ALKAL1: variants seen among roughly 807,000 people sequenced by gnomAD.
The protein encoded by ALKAL1 is AUG-beta.
Under a neutral mutation model 13.5 loss-of-function variants are expected in ALKAL1, and 23 were observed. The observed-to-expected ratio is 1.70, with a 90% CI of 1.23 to 2.41. The LOEUF (loss-of-function observed/expected upper bound fraction) is 2.41, where lower values mean the gene tolerates loss of function less well. ALKAL1 is among the 30% of genes most tolerant of loss of function. The pLI is 0.00. For synonymous variants in ALKAL1, 85 were observed against 77.7 expected, an observed-to-expected ratio of 1.09 and a Z score of -0.49; for missense variants, 181 against 178.4, an observed-to-expected ratio of 1.01 and a Z score of -0.08.
chr8:52,535,325 A>T (rs1250929517), intron 4 of ALKAL1, among the ~76,000 whole-genome samples: 1 of 151,762 alleles, frequency 6.6e-6, no homozygotes, highest in Non-Finnish European at 1.5e-5. Flanking sequence ...AGATGGGAGG[A>T]TCACTTGAGC....
intron 1 of ALKAL1, among the ~76,000 whole-genome samples, chr8:52,544,868 CAATAAA>C (rs1847354356): frequency 6.6e-6 from 1 of 152,082 alleles, no homozygotes; most frequent in African/African-American, 2.4e-5. Context: ...TAAAGACATA[CAATAAA>C]AATAAACAAA....
rs544708483 is a variant in ALKAL1 at position 52,557,013 on chromosome 8, A to G, written c.190+8054T>C. ...TAGAGACATTGTTTTCAAATCTATTAGAAATCACAAAAGATAGTTATAAGA... is the reference window on the plus strand; with the variant it reads ...TAGAGACATTGTTTTCAAATCTATTGGAAATCACAAAAGATAGTTATAAGA... On this transcript the variant is annotated intron_variant, in intron 1 of 4. Coordinates refer to ENST00000358543, the MANE Select transcript of ALKAL1 (RefSeq NM_207413.4). 2.1e-4 allele frequency among the ~76,000 whole-genome samples: 32 copies of G among 152,358 alleles called. No individual in the cohort carries two copies. In the South Asian group the frequency reaches 6.4e-3, roughly 31 times the overall value.
rs11997107 is a variant in ALKAL1 at position 52,556,508 on chromosome 8, G to A, written c.190+8559C>T. Among the ~76,000 whole-genome samples, 860 of 151,806 alleles carry A rather than the reference G, an allele frequency of 5.7e-3. 9 individuals are homozygous for A. The highest frequency in any genetic ancestry group is 0.019 in the African/African-American group (790 of 41,428). On this transcript the variant is annotated intron_variant, in intron 1 of 4. Transcript: ENST00000358543. ...TAAAAATACAAAAAATTAGCCGGGCGTGGTGGCGCGCGCCTGTAGTCCCAG... is the reference window on the plus strand; with the variant it reads ...TAAAAATACAAAAAATTAGCCGGGCATGGTGGCGCGCGCCTGTAGTCCCAG...
intron 1 of ALKAL1, among the ~76,000 whole-genome samples, chr8:52,554,366 A>T (rs2150346878): frequency 6.6e-6 from 1 of 152,380 alleles, no homozygotes; most frequent in Non-Finnish European, 1.5e-5. Context: ...ACACAGGATC[A>T]AGCCCTAATA....
intron 1 of ALKAL1, among the ~76,000 whole-genome samples, chr8:52,542,686 C>T (rs1354043527): frequency 3.3e-5 from 5 of 152,170 alleles, no homozygotes; most frequent in East Asian, 1.9e-4. Flanking sequence ...AGTGCACAGC[C>T]GCAATGGAAG....
intron 1 of ALKAL1, among the ~76,000 whole-genome samples, chr8:52,564,531 G>A (rs532769989): frequency 1.4e-4 from 22 of 152,272 alleles, no homozygotes; most frequent in African/African-American, 4.3e-4. Flanking sequence ...GGGAGCAGCC[G>A]GCTGCCCTTC....
At chr8:52,537,765 A>AG (rs1387761818) in intron 4 of ALKAL1, among the ~76,000 whole-genome samples, 2 of 152,092 alleles carry the variant, frequency 1.3e-5, no homozygotes, top group African/African-American at 2.4e-5. Flanking sequence ...TAAAAAAAAA[A>AG]AAGCTCATAG....
At chr8:52,542,347 T>C in intron 2 of ALKAL1, 45 bp downstream of exon 2, 2 of 1,256,484 alleles carry the variant, frequency 1.6e-6, no homozygotes, top group Non-Finnish European at 2.3e-6. Flanking sequence ...CTGCACACAG[T>C]CTTTTTATTT....
chr8:52,549,072 T>C (rs1847402301), intron 1 of ALKAL1, among the ~76,000 whole-genome samples: 2 of 152,208 alleles, frequency 1.3e-5, no homozygotes, highest in African/African-American at 2.4e-5. Flanking sequence ...TGTTCTGATA[T>C]GATTTACTGT....
intron 1 of ALKAL1, among the ~76,000 whole-genome samples, chr8:52,556,285 T>C (rs900103904): frequency 1.3e-5 from 2 of 152,124 alleles, no homozygotes; most frequent in Non-Finnish European, 2.9e-5. Flanking sequence ...TTGGATTAGA[T>C]AGTAAAATAG....
chr8:52,544,078 T>C (rs910294501), intron 1 of ALKAL1, among the ~76,000 whole-genome samples: 13 of 152,190 alleles, frequency 8.5e-5, no homozygotes, highest in East Asian at 7.7e-4. Flanking sequence ...TATGGCTTCC[T>C]GAGGAAAGGG....
At chr8:52,541,585 TG>T (rs1563320214) in intron 2 of ALKAL1, among the ~76,000 whole-genome samples, 1 of 152,088 alleles carries the variant, frequency 6.6e-6, no homozygotes, top group African/African-American at 2.4e-5. Context: ...CTGGCGAATG[TG>T]GTGAAACCCC....
intron 1 of ALKAL1, among the ~76,000 whole-genome samples, chr8:52,552,154 A>G (rs754056007): frequency 5.9e-5 from 9 of 151,994 alleles, no homozygotes; most frequent in South Asian, 2.1e-4. Flanking sequence ...GGTAACTTTG[A>G]GCATTTGGAG....
chr8:52,552,491 T>G (rs1397920829), intron 1 of ALKAL1, among the ~76,000 whole-genome samples: 3 of 152,220 alleles, frequency 2.0e-5, no homozygotes, highest in Non-Finnish European at 2.9e-5. Context: ...TTGTGTCCCT[T>G]CTTTGAGGAC....
Position 52,539,878 on chromosome 8 carries a change from T to G in ALKAL1, c.278A>C (p.His93Pro). ...GGTATTGTAATAGAGTCGGTGGAAA[T>G]GTTTGCTGCATTCTGGTGAAAATGT... The part of the protein sequence containing the change: ...PVTFSPECSK[H>P]FHRLYYNTRE... Residue 93 changes from histidine to proline, a missense_variant, in exon 3 of 5, where the codon CAT (histidine) becomes CCT (proline). By Grantham distance (77) the His-to-Pro change is moderately conservative (BLOSUM62 -2). Transcript: ENST00000358543. The G allele has an allele frequency of 1.2e-6, 2 of 1,612,946 alleles. No homozygotes were observed. Among genetic ancestry groups the G allele is most frequent in the Non-Finnish European group, 1.7e-6 (2 of 1,179,852 alleles).
chr8:52,542,254 G>A (rs1847321033), intron 2 of ALKAL1, 138 bp downstream of exon 2: 1 of 589,604 alleles, frequency 1.7e-6, no homozygotes, highest in Admixed American at 3.4e-5. Flanking sequence ...ACACAAGTTA[G>A]TAGCATCCGT....
At chr8:52,552,761 TTTG>T (rs1260559956) in intron 1 of ALKAL1, among the ~76,000 whole-genome samples, 2 of 152,250 alleles carry the variant, frequency 1.3e-5, no homozygotes, top group African/African-American at 4.8e-5. Flanking sequence ...TTGCTTTGTA[TTTG>T]TTATCACTTT....
intron 1 of ALKAL1, among the ~76,000 whole-genome samples, chr8:52,546,275 C>CATGT (rs1847367606): frequency 6.6e-6 from 1 of 152,192 alleles, no homozygotes; most frequent in African/African-American, 2.4e-5. Flanking sequence ...GCAACATGCC[C>CATGT]ACATCCATTT....
At chr8:52,539,952 T>A (rs947967468) in intron 2 of ALKAL1, 41 bp from the exon 3 acceptor site, 2 of 1,575,102 alleles carry the variant, frequency 1.3e-6, no homozygotes, top group Admixed American at 1.7e-5. Flanking sequence ...AACATAGGCA[T>A]GTTTTCCAAA....
Sources: allele counts gnomAD v4.1 joint callset (sites outside exome capture counted in the v4.1 genomes callset), GRCh38; gene constraint gnomAD v4.1.1; transcripts MANE v1.5; gene names NCBI Gene and HGNC (gene_info 2026-07-23, HGNC 2026-07-21).